SLC30A3: variants seen among roughly 807,000 people sequenced by gnomAD.
SLC30A3 encodes probable proton-coupled zinc antiporter SLC30A3.
SLC30A3 carries 20 observed loss-of-function variants against 35.6 expected under a neutral mutation model. The ratio of observed to expected loss-of-function variants is 0.56; its 90% CI spans 0.39 to 0.82. The LOEUF (loss-of-function observed/expected upper bound fraction) is 0.82. Ranked by LOEUF, SLC30A3 falls within the 40% of genes least tolerant of loss-of-function variation. SLC30A3 has a pLI of 0.00. For synonymous variants in SLC30A3, 217 were observed against 224.7 expected, an observed-to-expected ratio of 0.97 and a Z score of 0.31; for missense variants, 401 against 530.6, an observed-to-expected ratio of 0.76 and a Z score of 2.40.
chr2:27,274,043 G>A (rs1200363867), intron 1 of SLC30A3, among the ~76,000 whole-genome samples: 1 of 152,200 alleles, frequency 6.6e-6, no homozygotes, highest in Admixed American at 6.5e-5. Flanking sequence ...CTTCAAGGGG[G>A]CTGGCGCAAT....
rs750037470 is a variant in SLC30A3, at chr2:27,256,806, G to C, written c.865C>G (p.Leu289Val). ...GACTCACCTTCCATGAGGATTCGAA[G>C]AACGTCTCGGAGGGTGGGAGCGGTG... is the stretch of plus-strand genomic sequence containing the variant. The part of the protein sequence containing the change: ...GSTAPTLRDV[L>V]RILMEGTPRN... Residue 289 changes from leucine to valine, a missense_variant, in exon 6 of 8, where the codon CTT becomes GTT. Physicochemically the swap from Leu to Val is conservative, Grantham distance 32. This residue lies in a region of SLC30A3 where 296 missense variants were observed against 392.6 expected (regional missense o/e 0.75). Transcript: ENST00000233535. 2.5e-6 allele frequency: 4 copies of C among 1,603,782 alleles called. No homozygotes were observed. The highest frequency in any genetic ancestry group is 3.4e-6 in the Non-Finnish European group (4 of 1,176,808).
rs1282089851 is a variant in SLC30A3 at position 27,268,990 on chromosome 2, T to C, written c.-158-4908A>G. Among the ~76,000 whole-genome samples the C allele has an allele frequency of 2.6e-5, 4 of 151,908 alleles. No homozygotes were observed. In the East Asian group the frequency reaches 7.7e-4, roughly 29 times the overall value. On this transcript the variant is annotated intron_variant, in intron 1 of 5. Coordinates refer to the SLC30A3 transcript ENST00000424577. ...ATGGAAATCCTTTAACTGGGGTGCA[T>C]CAAGGCTGTGGGAGCTGAGAAGAAG...
At chr2:27,265,446 G>A (rs1262409119), upstream of SLC30A3, among the ~76,000 whole-genome samples, 1 of 152,220 alleles carries the variant, frequency 6.6e-6, no homozygotes, top group Admixed American at 6.5e-5. This position sits in a 1 kb window ranked among gnomAD's most constrained non-coding sequence, Gnocchi z 5.9. Flanking sequence ...AAGGGTCCTC[G>A]CGAATGCCAG....
In SLC30A3 at chr2:27,257,253, G is replaced by C; in HGVS notation, c.678C>G (p.Pro226=). Residue 226 remains proline (P), a synonymous_variant, in exon 5 of 8, where the codon CCC becomes CCG. Coordinates refer to ENST00000233535, the MANE Select transcript of SLC30A3 (RefSeq NM_003459.5). The surrounding 1 kb of genome is among the most constrained non-coding windows in gnomAD (Gnocchi z 4.7). ...PLEEGPEEPL[P]LGNTSVRAAF... Reference sequence around the variant, plus strand: ...CCGCCCGGACGCTGGTGTTCCCCAGGGGCAGGGGCTCTTCAGGCCCCTCCT... The same window carrying C: ...CCGCCCGGACGCTGGTGTTCCCCAGCGGCAGGGGCTCTTCAGGCCCCTCCT... The C allele has an allele frequency of 1.9e-6, 3 of 1,614,046 alleles. 1 individual carries two copies. The highest frequency in any genetic ancestry group is 2.2e-5 in the South Asian group (2 of 91,080).
At chr2:27,265,256 G>A (rs1183250529), upstream of SLC30A3, among the ~76,000 whole-genome samples, 1 of 152,258 alleles carries the variant, frequency 6.6e-6, no homozygotes, top group Non-Finnish European at 1.5e-5. The surrounding 1 kb of genome is among the most constrained non-coding windows in gnomAD (Gnocchi z 5.9). Flanking sequence ...CACCAGGCGG[G>A]GAAGGCAGAG....
At position 27,262,377 on chromosome 2, in the gene SLC30A3, C is replaced by T. The variant is rs1188390799; in HGVS notation, c.95+435G>A. ...CACAGCTGGCCGCGGCTGGAGGGGG[C>T]GCGCGGAGGGGAGCCCCCGGGGCCT... On this transcript the variant is annotated intron_variant, in intron 1 of 7. Transcript: ENST00000233535. The surrounding 1 kb of genome is among the most constrained non-coding windows in gnomAD (Gnocchi z 7.5). Among the ~76,000 whole-genome samples the T allele has an allele frequency of 1.3e-5, 2 of 151,848 alleles. No individual in the cohort carries two copies. The highest frequency in any genetic ancestry group is 4.8e-5 in the African/African-American group (2 of 41,406).
chr2:27,262,823 C>T lies in SLC30A3; in HGVS notation c.84G>A (p.Leu28=). 1 of 1,567,638 alleles carries T rather than the reference C, an allele frequency of 6.4e-7. No individual in the cohort carries two copies. Among genetic ancestry groups the T allele is most frequent in the South Asian group, 1.2e-5 (1 of 86,112 alleles). ...CAGGTCTGTCCTACCTCTTCAAACGCAGGCTGCCTCCGGCGCCACCGCGGT... is the reference window on the plus strand; with the variant it reads ...CAGGTCTGTCCTACCTCTTCAAACGTAGGCTGCCTCCGGCGCCACCGCGGT... The part of the protein sequence containing the change: ...PRDRGGAGGS[L]RLKSLFTEPS... The change falls in exon 1 of 8, where the codon CTG becomes CTA. Residue 28 remains leucine (L), a synonymous_variant. Coordinates refer to ENST00000233535, the MANE Select transcript of SLC30A3 (RefSeq NM_003459.5). The surrounding 1 kb of genome is among the most constrained non-coding windows in gnomAD (Gnocchi z 7.5).
upstream of SLC30A3, among the ~76,000 whole-genome samples, chr2:27,267,331 G>A (rs1677535401): frequency 6.6e-6 from 1 of 152,124 alleles, no homozygotes; most frequent in African/African-American, 2.4e-5. Flanking sequence ...GGTAAACATA[G>A]ATCAGATTTG....
chr2:27,262,589 G>A lies in SLC30A3; in HGVS notation c.95+223C>T, dbSNP rs1677264188. Among the ~76,000 whole-genome samples, 1 of 152,154 alleles carries A rather than the reference G, an allele frequency of 6.6e-6. No individual in the cohort carries two copies. Among genetic ancestry groups the A allele is most frequent in the Non-Finnish European group, 1.5e-5 (1 of 67,994 alleles). ...GACGCCGGCCGGAGGGGAGTGAGAG[G>A]CCGCTTCACCCGAGGAAGTCAGGCG... On this transcript the variant is annotated intron_variant, in intron 1 of 7. Coordinates refer to ENST00000233535, the MANE Select transcript of SLC30A3 (RefSeq NM_003459.5). The surrounding 1 kb of genome is among the most constrained non-coding windows in gnomAD (Gnocchi z 7.5).
In SLC30A3 at chr2:27,262,571, G is replaced by C. The variant is rs1406027291; in HGVS notation, c.95+241C>G. ...AGGGGTCCGGCGGCCTGGGACGCCG[G>C]CCGGAGGGGAGTGAGAGGCCGCTTC... On this transcript the variant is annotated intron_variant, in intron 1 of 7. Transcript: ENST00000233535. The surrounding 1 kb of genome is among the most constrained non-coding windows in gnomAD (Gnocchi z 7.5). Among the ~76,000 whole-genome samples the C allele has an allele frequency of 2.6e-5, 4 of 152,106 alleles. No homozygotes were observed. The East Asian group carries it at 7.7e-4, about 29-fold the overall frequency.
chr2:27,260,118 G>A (rs1322473968), intron 1 of SLC30A3, among the ~76,000 whole-genome samples: 5 of 152,104 alleles, frequency 3.3e-5, no homozygotes, highest in Non-Finnish European at 7.4e-5. Context: ...TCCTTTCCAG[G>A]CCCACCTCCC....
chr2:27,263,164 G>T, upstream of SLC30A3: 2 of 1,040,344 alleles, frequency 1.9e-6, no homozygotes, highest in Non-Finnish European at 2.3e-6. Context: ...CTTAAGCCCC[G>T]CCCCCACTGC....
chr2:27,259,104 C>T, intron 1 of SLC30A3, 170 bp from the exon 2 acceptor site: 1 of 556,226 alleles, frequency 1.8e-6, no homozygotes, highest in Non-Finnish European at 3.2e-6. Context: ...GCTAAATGAA[C>T]AGGTCAGAGC....
chr2:27,256,234 G>A (rs1365060200), intron 7 of SLC30A3, 152 bp downstream of exon 7: 7 of 825,382 alleles, frequency 8.5e-6, no homozygotes, highest in Middle Eastern at 2.7e-4. Flanking sequence ...GCATGTGTGT[G>A]TGTGTGTATG....
rs1387113430 is a variant in SLC30A3 at position 27,258,147 on chromosome 2, T to C, written c.424+14A>G. The C allele has an allele frequency of 6.3e-7, 1 of 1,599,964 alleles. No homozygotes were observed. The highest frequency in any genetic ancestry group is 2.2e-5 in the East Asian group (1 of 44,576). On this transcript the variant is annotated intron_variant, in intron 3 of 7. Transcript: ENST00000233535. The surrounding 1 kb of genome is among the most constrained non-coding windows in gnomAD (Gnocchi z 4.0). Reference sequence around the variant, plus strand: ...GCAAGATTGGAGAGTCACTGGGCCATGCAGGGGCCTTACCTGAACGGTGCC... The same window carrying C: ...GCAAGATTGGAGAGTCACTGGGCCACGCAGGGGCCTTACCTGAACGGTGCC...
At chr2:27,272,720 C>T (rs1395925204) in intron 1 of SLC30A3, among the ~76,000 whole-genome samples, 1 of 151,768 alleles carries the variant, frequency 6.6e-6, no homozygotes, top group Admixed American at 6.6e-5. Context: ...GCCACTGCGC[C>T]TGGCCAACAG....
At chr2:27,275,539 G>C (rs1677983998), upstream of SLC30A3, 1 of 326,164 alleles carries the variant, frequency 3.1e-6, no homozygotes, top group South Asian at 2.5e-5. Flanking sequence ...CCTGGCTTAA[G>C]AGAACGACTC....
In SLC30A3 at chr2:27,256,395, G is replaced by T. The variant is rs1463374175; in HGVS notation, c.1009C>A (p.Leu337Met). Reference sequence around the variant, plus strand: ...GGCCAGTGTGACTCACCGATGGCCAGGTGTGCAGAGGCAACATGGTAAGTG... The same window carrying T: ...GGCCAGTGTGACTCACCGATGGCCATGTGTGCAGAGGCAACATGGTAAGTG... ...TLTYHVASAH[L>M]AIDSTADPEA... The change falls in exon 7 of 8, where the codon CTG becomes ATG. Residue 337 changes from leucine to methionine, a missense_variant. Leu to Met is a conservative substitution (Grantham distance 15, BLOSUM62 2). Transcript: ENST00000233535. The T allele has an allele frequency of 6.2e-7, 1 of 1,614,170 alleles. No homozygotes were observed. The highest frequency in any genetic ancestry group is 8.5e-7 in the Non-Finnish European group (1 of 1,180,024).
At chr2:27,268,905 C>A (rs1023646483) in intron 1 of SLC30A3, among the ~76,000 whole-genome samples, 1 of 151,954 alleles carries the variant, frequency 6.6e-6, no homozygotes, top group Non-Finnish European at 1.5e-5. Context: ...GGAGCAGTAT[C>A]CAGGATGAGG....
Sources: allele counts gnomAD v4.1 joint callset (sites outside exome capture counted in the v4.1 genomes callset), GRCh38; gene constraint gnomAD v4.1.1; regional missense constraint gnomAD v4.1.1; non-coding constraint Gnocchi (gnomAD v3.1); transcripts MANE v1.5; gene names NCBI Gene and HGNC (gene_info 2026-07-23, HGNC 2026-07-21).